The following GNL3L variants were observed in gnomAD, a reference collection of about 807,000 sequenced individuals.
GNL3L encodes guanine nucleotide-binding protein-like 3-like protein.
Under a neutral mutation model 42.9 loss-of-function variants are expected in GNL3L, and 4 were observed. That is an observed-to-expected ratio of 0.09 (90% CI 0.05 to 0.21). The LOEUF (loss-of-function observed/expected upper bound fraction) is 0.21, where lower values mean the gene tolerates loss of function less well. GNL3L is among the 10% of genes least tolerant of loss of function. The probability of loss-of-function intolerance (pLI) is 1.00; values close to 1 mark genes in which losing one functional copy is unlikely to be tolerated. For synonymous variants in GNL3L, 159 were observed against 176.3 expected (o/e 0.90, Z 0.78); for missense variants, 412 against 481.7 (o/e 0.86, Z 1.36).
Position 54,564,408 on chromosome X carries a change from T to C in GNL3L, c.*3806T>C, listed in dbSNP as rs1190262906. Among the ~76,000 whole-genome samples the C allele has an allele frequency of 4.1e-5, 4 of 98,684 alleles. No individual in the cohort carries two copies. The East Asian group carries it at 1.2e-3, about 31-fold the overall frequency. 85.7% of individuals were successfully genotyped at this position (98,684 alleles called of 115,157 possible). A position where few individuals can be genotyped will look rare whatever the true frequency, so the allele number is the denominator to read the frequency against. Reference sequence around the variant, plus strand: ...TGGTTTTTTTCTTCGTTCTCTTTTTTTTTTTTTTTTTTTTGAGACAGAGTC... The same window carrying C: ...TGGTTTTTTTCTTCGTTCTCTTTTTCTTTTTTTTTTTTTTGAGACAGAGTC... On this transcript the variant is annotated 3_prime_UTR_variant, in exon 16 of 16. Coordinates refer to ENST00000360845, the MANE Select transcript of GNL3L (RefSeq NM_001184819.2).
intron 9 of GNL3L, among the ~76,000 whole-genome samples, chrX:54,549,378 C>T (rs1159766383): frequency 1.8e-5 from 2 of 111,469 alleles, no homozygotes; most frequent in African/African-American, 3.3e-5. Flanking sequence ...CCCACCCCAA[C>T]GCTGCTCCCC....
the GNL3L span, among the ~76,000 whole-genome samples, chrX:54,640,983 C>T: frequency 8.9e-6 from 1 of 111,898 alleles, no homozygotes; most frequent in African/African-American, 3.2e-5. Flanking sequence ...GTTGGATGAA[C>T]TTGCCTCACT....
intron 16 of GNL3L, among the ~76,000 whole-genome samples, chrX:54,616,782 A>G (rs5915148): frequency 0.22 from 24,283 of 110,718 alleles, 4,707 homozygotes; most frequent in African/African-American, 0.64. Flanking sequence ...GGGGGTATGA[A>G]TGTGCACAAT....
At chrX:54,612,629 G>C (rs778124575) in intron 16 of GNL3L, among the ~76,000 whole-genome samples, 1 of 111,686 alleles carries the variant, frequency 9.0e-6, no homozygotes, top group East Asian at 2.8e-4. Flanking sequence ...CTTGGTAATG[G>C]TGAATTCTCT....
Position 54,619,632 on chromosome X carries a change from G to A in GNL3L, c.*46-1213G>A, listed in dbSNP as rs181070902. ...CGGCCTTCCAAAATGCTGGGATTACGGATGTGAGCCACTGTGCCCAGCCTG... is the reference window on the plus strand; with the variant it reads ...CGGCCTTCCAAAATGCTGGGATTACAGATGTGAGCCACTGTGCCCAGCCTG... On this transcript the variant is annotated intron_variant, in intron 16 of 16. Coordinates refer to the GNL3L transcript ENST00000674498. Among the ~76,000 whole-genome samples, 4 of 110,636 alleles carry A rather than the reference G, an allele frequency of 3.6e-5. No individual in the cohort carries two copies. In the South Asian group the frequency reaches 1.2e-3, roughly 32 times the overall value.
downstream of GNL3L, among the ~76,000 whole-genome samples, chrX:54,569,349 C>T (rs1925512827): frequency 9.0e-6 from 1 of 111,663 alleles, no homozygotes; most frequent in Non-Finnish European, 1.9e-5. Context: ...TTTAAGACTA[C>T]AATTTCAATT....
chrX:54,621,033 T>C (rs924551968), exon 17 of GNL3L, among the ~76,000 whole-genome samples: 1 of 112,060 alleles, frequency 8.9e-6, no homozygotes, highest in African/African-American at 3.2e-5. Flanking sequence ...CAATGACAGG[T>C]TATCTTTTTC....
At chrX:54,575,685 G>C (rs1025246253) in intron 16 of GNL3L, among the ~76,000 whole-genome samples, 19 of 111,786 alleles carry the variant, frequency 1.7e-4, no homozygotes. Context: ...AGTGAGCTGA[G>C]ATCTCGCCAC....
rs758335879 is a variant in GNL3L, at chrX:54,551,822, C to T, written c.1039-10C>T. ...CTCCTCATGACTTCTCTCCTTCCTC[C>T]CTTCACCAGATTTCCAACTATTATG... On this transcript the variant is annotated splice_polypyrimidine_tract_variant and intron_variant, in intron 11 of 15. Transcript: ENST00000360845. 1 of 1,211,702 alleles carries T rather than the reference C, an allele frequency of 8.3e-7. No homozygotes were observed. The highest frequency in any genetic ancestry group is 2.2e-5 in the Admixed American group (1 of 46,079).
rs1569542565 is a variant in GNL3L at position 54,606,999 on chromosome X, T to TTC, written c.*46-13846_*46-13845insTC. On this transcript the variant is annotated intron_variant, in intron 16 of 16. Transcript: ENST00000674498. Reference sequence around the variant, plus strand: ...TTTCTTTCTTTCCTTTCCTTTCCTTTCTTTCTTTCTTTCTTTCTTTCTTTC... The same window carrying TTC: ...TTTCTTTCTTTCCTTTCCTTTCCTTTTCCTTTCTTTCTTTCTTTCTTTCTTTC... Among the ~76,000 whole-genome samples the TTC allele has an allele frequency of 7.7e-4, 16 of 20,879 alleles. 1 individual carries two copies. Among genetic ancestry groups the TTC allele is most frequent in the South Asian group, 2.3e-3 (1 of 432 alleles). The allele number at this position is 20,879 out of a possible 115,157, so 18.1% of individuals were successfully genotyped here. A position where few individuals can be genotyped will look rare whatever the true frequency, so the allele number is the denominator to read the frequency against.
Position 54,543,033 on chromosome X carries a change from C to T in GNL3L, c.385C>T (p.Arg129Cys), listed in dbSNP as rs773877457. ...GAGGAAGGCTTATTACAAGGAGTTC[C>T]GTAAGGTACAGGGTTCCATTTCTTC... ...ATRKAYYKEFRKVVEYSDVIL... is the reference protein window; with the variant it reads ...ATRKAYYKEFCKVVEYSDVIL... Residue 129 changes from arginine (R) to cysteine (C), a missense_variant, in exon 6 of 16, where the codon CGT becomes TGT. Physicochemically the swap from Arg to Cys is radical, Grantham distance 180. Coordinates refer to ENST00000360845, the MANE Select transcript of GNL3L (RefSeq NM_001184819.2). 13 of 1,158,849 alleles carry T rather than the reference C, an allele frequency of 1.1e-5. No homozygotes were observed. The highest frequency in any genetic ancestry group is 5.4e-5 in the South Asian group (3 of 55,731).
At chrX:54,585,548 G>C (rs1228721437) in intron 16 of GNL3L, among the ~76,000 whole-genome samples, 1 of 111,542 alleles carries the variant, frequency 9.0e-6, no homozygotes, top group East Asian at 2.8e-4. Flanking sequence ...GCATGTAATT[G>C]TTCATAATAA....
chrX:54,644,980 T>C, the GNL3L span, among the ~76,000 whole-genome samples: 1 of 111,904 alleles, frequency 8.9e-6, no homozygotes, highest in Non-Finnish European at 1.9e-5. Flanking sequence ...TATGTGTTCC[T>C]TGTTAGGTTT....
chrX:54,607,445 C>T (rs1005112690), intron 16 of GNL3L, among the ~76,000 whole-genome samples: 2 of 107,154 alleles, frequency 1.9e-5, no homozygotes, highest in Admixed American at 2.0e-4. Flanking sequence ...TTATTTCTGA[C>T]TAAAAAGGAC....
chrX:54,546,340 G>A (rs1022942077), intron 8 of GNL3L, among the ~76,000 whole-genome samples: 1 of 110,891 alleles, frequency 9.0e-6, no homozygotes, highest in African/African-American at 3.3e-5. Flanking sequence ...GTTTTTTATC[G>A]TTATAACCTG....
rs141457885 is a variant in GNL3L at position 54,541,858 on chromosome X, T to C, written c.306+469T>C. Among the ~76,000 whole-genome samples the C allele has an allele frequency of 5.7e-3, 636 of 111,666 alleles. 7 individuals are homozygous for C. The highest frequency in any genetic ancestry group is 0.02 in the African/African-American group (618 of 30,739). ...CCAGCTCATACTCCCTTTTCTGATA[T>C]GCAGTGTGTATGCCTCCCCCATCCT... On this transcript the variant is annotated intron_variant, in intron 5 of 15. Coordinates refer to ENST00000360845, the MANE Select transcript of GNL3L (RefSeq NM_001184819.2).
At position 54,558,432 on chromosome X, in the gene GNL3L, C is replaced by T. The variant is rs1308621444; in HGVS notation, c.1447-4C>T. 2.1e-5 allele frequency: 25 copies of T among 1,166,339 alleles called. No individual in the cohort carries two copies. The highest frequency in any genetic ancestry group is 2.8e-5 in the Non-Finnish European group (24 of 856,149). ...TCATCGTTATGTTTTCTGTCTCTTC[C>T]TAGATTGGAGATCTCACTGGGTATT... On this transcript the variant is annotated splice_polypyrimidine_tract_variant and splice_region_variant and intron_variant, in intron 14 of 15. Coordinates refer to ENST00000360845, the MANE Select transcript of GNL3L (RefSeq NM_001184819.2).
downstream of GNL3L, among the ~76,000 whole-genome samples, chrX:54,569,818 A>C (rs5915139): frequency 1.8e-5 from 2 of 111,083 alleles, no homozygotes; most frequent in Admixed American, 1.9e-4. Context: ...TGATTTTTGT[A>C]TTACTTAGAA....
At chrX:54,625,056 G>C (rs377019071), downstream of GNL3L, among the ~76,000 whole-genome samples, 1 of 110,696 alleles carries the variant, frequency 9.0e-6, no homozygotes, top group African/African-American at 3.3e-5. Flanking sequence ...TAAGGTACTG[G>C]GGTTTGGGAC....
Sources: gnomAD v4.1 joint callset for allele counts (sites outside exome capture counted in the v4.1 genomes callset) on GRCh38, gnomAD v4.1.1 for gene constraint, MANE v1.5 for transcripts, NCBI Gene and HGNC (gene_info 2026-07-23, HGNC 2026-07-21) for gene names.